Variants in FAT3 observed in about 807,000 individuals in gnomAD.
FAT3 encodes protocadherin Fat 3.
FAT3 carries 95 observed loss-of-function variants against 310.2 expected under a neutral mutation model. The observed-to-expected ratio is 0.31, with a 90% confidence interval of 0.26 to 0.36. FAT3 has a LOEUF of 0.36. Among genes scored for constraint, FAT3 ranks in the 10% least tolerant of loss-of-function variants. The pLI, the probability that FAT3 is intolerant of heterozygous loss-of-function variation, is 1.00. For missense variants in FAT3, 5,408 were observed against 5,715.6 expected (o/e 0.95, Z 1.74); for synonymous variants, 2,314 against 2,192.9 (o/e 1.06, Z -1.54).
In FAT3 at chr11:92,654,734, C is replaced by T. The variant is rs538095741; in HGVS notation, c.3608-42650C>T. On this transcript the variant is annotated intron_variant, in intron 3 of 27. Coordinates refer to ENST00000525166, the MANE Select transcript of FAT3 (RefSeq NM_001367949.2). ...TCACCCAGATTACTGCAAAGCACAA[C>T]AGGTCCGTCTGCTTTTATTCCTGTT... Among the ~76,000 whole-genome samples, 86 of 152,318 alleles carry T rather than the reference C, an allele frequency of 5.6e-4. 2 individuals carry two copies. In the South Asian group the frequency reaches 0.017, roughly 31 times the overall value.
In FAT3 at chr11:92,891,442, C is replaced by T. The variant is rs1463715726; in HGVS notation, c.*329C>T. On this transcript the variant is annotated 3_prime_UTR_variant, in exon 28 of 28. Coordinates refer to ENST00000525166, the MANE Select transcript of FAT3 (RefSeq NM_001367949.2). ...TGTATGGCTTTGTGCAGTATTGTGC[C>T]CTGGAAAGTGTTACAGCATCAGTCC... 2.9e-6 allele frequency: 1 copy of T among 349,876 alleles called. No homozygotes were observed. The highest frequency in any genetic ancestry group is 6.6e-5 in the East Asian group (1 of 15,250). 21.7% of individuals were successfully genotyped at this position (349,876 alleles called of 1,614,324 possible). A position where few individuals can be genotyped will look rare whatever the true frequency, so the allele number is the denominator to read the frequency against.
chr11:92,844,582 T>G lies in FAT3; in HGVS notation c.11215T>G (p.Leu3739Val). The G allele has an allele frequency of 6.2e-7, 1 of 1,613,998 alleles. No homozygotes were observed. The highest frequency in any genetic ancestry group is 8.5e-7 in the Non-Finnish European group (1 of 1,179,886). Reference protein sequence around the residue: ...LENIMRISAILEKNCSGLDCQ... With the variant: ...LENIMRISAIVEKNCSGLDCQ... ...GAATATCATGCGCATCTCAGCCATC[T>G]TGGAGAAGAACTGCTCAGGGCTGGA... Residue 3739 changes from leucine (L) to valine (V), a missense_variant, in exon 19 of 28, where the codon TTG (leucine) becomes GTG (valine). Physicochemically the swap from Leu to Val is conservative, Grantham distance 32 (BLOSUM62 1). Around this residue, in one of 5 missense-constraint regions of FAT3, gnomAD observed 4,588 missense variants for 4,809.8 expected, o/e 0.95. Coordinates refer to ENST00000525166, the MANE Select transcript of FAT3 (RefSeq NM_001367949.2).
At chr11:92,458,410 C>T (rs991280906) in intron 2 of FAT3, among the ~76,000 whole-genome samples, 1 of 152,186 alleles carries the variant, frequency 6.6e-6, no homozygotes, top group Non-Finnish European at 1.5e-5. Context: ...GAAACATCTT[C>T]TTTAAATTTC....
At chr11:92,413,877 G>A (rs1197621266) in intron 2 of FAT3, among the ~76,000 whole-genome samples, 4 of 152,164 alleles carry the variant, frequency 2.6e-5, no homozygotes, top group African/African-American at 7.2e-5. Context: ...GTCCTCTCAC[G>A]AAACAGACAC....
chr11:92,342,804 G>T (rs191288913), intron 1 of FAT3, among the ~76,000 whole-genome samples: 1 of 152,082 alleles, frequency 6.6e-6, no homozygotes, highest in Admixed American at 6.5e-5. Flanking sequence ...GCCTACAAGA[G>T]AAAAAATGAA....
At chr11:92,369,731 C>T (rs1949134113) in intron 2 of FAT3, among the ~76,000 whole-genome samples, 1 of 152,062 alleles carries the variant, frequency 6.6e-6, no homozygotes, top group African/African-American at 2.4e-5. Flanking sequence ...CCTGTAGTCC[C>T]AGCTACTCGG....
chr11:92,515,355 A>G (rs1953442893), intron 2 of FAT3, among the ~76,000 whole-genome samples: 1 of 152,136 alleles, frequency 6.6e-6, no homozygotes, highest in Non-Finnish European at 1.5e-5. Flanking sequence ...TTTATATTCT[A>G]CAAAGATATA....
At chr11:92,568,707 A>G (rs892470908) in intron 3 of FAT3, among the ~76,000 whole-genome samples, 3 of 152,078 alleles carry the variant, frequency 2.0e-5, no homozygotes, top group African/African-American at 4.8e-5. Context: ...TAGTCTTGTT[A>G]ACTCCTTTTT....
At chr11:92,415,299 C>T (rs2134948549) in intron 2 of FAT3, among the ~76,000 whole-genome samples, 1 of 152,272 alleles carries the variant, frequency 6.6e-6, no homozygotes, top group Admixed American at 6.5e-5. Context: ...GCAGTGAGTG[C>T]TGAGGACATT....
intron 3 of FAT3, among the ~76,000 whole-genome samples, chr11:92,629,774 ACCAT>A: frequency 6.6e-6 from 1 of 152,052 alleles, no homozygotes; most frequent in Admixed American, 6.5e-5. Context: ...CTTGCTTCCC[ACCAT>A]CATCTAAATC....
Position 92,519,721 on chromosome 11 carries a change from G to A in FAT3, c.3293-4913G>A, listed in dbSNP as rs892757464. 7.2e-5 allele frequency among the ~76,000 whole-genome samples: 11 copies of A among 151,988 alleles called. 1 individual carries two copies. Among genetic ancestry groups the A allele is most frequent in the South Asian group, 4.1e-4 (2 of 4,834 alleles). On this transcript the variant is annotated intron_variant, in intron 2 of 27. Transcript: ENST00000525166. ...CAAAACATTTGAACACTTAACCTACGATAACTTCTTTATCTTAGAGAAGAT... is the reference window on the plus strand; with the variant it reads ...CAAAACATTTGAACACTTAACCTACAATAACTTCTTTATCTTAGAGAAGAT...
chr11:92,350,252 A>C (rs2134621614), intron 1 of FAT3, among the ~76,000 whole-genome samples: 1 of 152,266 alleles, frequency 6.6e-6, no homozygotes. Context: ...ATTATCATTA[A>C]CAAAAAGGTT....
At chr11:92,497,024 C>G (rs1404321587) in intron 2 of FAT3, among the ~76,000 whole-genome samples, 2 of 152,020 alleles carry the variant, frequency 1.3e-5, no homozygotes, top group Non-Finnish European at 2.9e-5. Flanking sequence ...TCACTTGGAT[C>G]AAGTGTATTT....
At chr11:92,238,773 A>G (rs1207071970) in intron 1 of FAT3, among the ~76,000 whole-genome samples, 2 of 152,080 alleles carry the variant, frequency 1.3e-5, no homozygotes, top group Non-Finnish European at 2.9e-5. Flanking sequence ...TACCATAGAG[A>G]TGATAAAGTT....
intron 2 of FAT3, among the ~76,000 whole-genome samples, chr11:92,469,717 A>G (rs899131627): frequency 6.6e-6 from 1 of 151,888 alleles, no homozygotes; most frequent in Non-Finnish European, 1.5e-5. Flanking sequence ...GGGTTTCATC[A>G]TGTTGGTCAG....
intron 1 of FAT3, among the ~76,000 whole-genome samples, chr11:92,272,445 G>A (rs10501777): frequency 0.12 from 18,699 of 152,148 alleles, 1,263 homozygotes; most frequent in East Asian, 0.3. Flanking sequence ...ATAGGTTAGA[G>A]GACAGGATGG....
At chr11:92,616,493 G>T (rs1036554933) in intron 3 of FAT3, among the ~76,000 whole-genome samples, 1 of 152,078 alleles carries the variant, frequency 6.6e-6, no homozygotes, top group East Asian at 1.9e-4. Flanking sequence ...GGTTAATATT[G>T]TTATGTGTGA....
At chr11:92,463,622 GT>G (rs1039830002) in intron 2 of FAT3, among the ~76,000 whole-genome samples, 3 of 152,170 alleles carry the variant, frequency 2.0e-5, no homozygotes, top group Non-Finnish European at 4.4e-5. Flanking sequence ...GACTTGGGGA[GT>G]TTATTAAAAA....
chr11:92,333,660 TA>T (rs999707909), intron 1 of FAT3, among the ~76,000 whole-genome samples: 11 of 152,356 alleles, frequency 7.2e-5, no homozygotes, highest in African/African-American at 2.4e-4. Context: ...GAAGTTTTTT[TA>T]TAAGCTCTAA....
Sources: allele counts gnomAD v4.1 joint callset (sites outside exome capture counted in the v4.1 genomes callset), GRCh38; gene constraint gnomAD v4.1.1; regional missense constraint gnomAD v4.1.1; transcripts MANE v1.5; gene names NCBI Gene and HGNC (gene_info 2026-07-23, HGNC 2026-07-21).